Variants in NEMF observed in about 807,000 individuals in gnomAD.
The protein encoded by NEMF is ribosome quality control complex subunit NEMF.
In NEMF, 89 loss-of-function variants were observed where a neutral mutation model predicts 162.2. That is an observed-to-expected ratio of 0.55 (90% CI 0.46 to 0.65). NEMF has a LOEUF of 0.65. Among genes scored for constraint, NEMF ranks in the 30% least tolerant of loss-of-function variants. The probability of loss-of-function intolerance (pLI) is 0.00; values close to 1 mark genes in which losing one functional copy is unlikely to be tolerated. For missense variants in NEMF, 1,133 were observed against 1,261.9 expected, an observed-to-expected ratio of 0.90 and a Z score of 1.55; for synonymous variants, 421 against 404.5, an observed-to-expected ratio of 1.04 and a Z score of -0.49.
intron 11 of NEMF, among the ~76,000 whole-genome samples, chr14:49,830,743 T>C (rs926791794): frequency 3.9e-5 from 6 of 152,232 alleles, no homozygotes; most frequent in Non-Finnish European, 7.3e-5. Flanking sequence ...AAAAATCAAA[T>C]CCCCTTCAAA....
intron 26 of NEMF, among the ~76,000 whole-genome samples, chr14:49,795,210 C>A (rs1293321805): frequency 3.3e-5 from 5 of 151,942 alleles, no homozygotes; most frequent in African/African-American, 1.2e-4. Context: ...GTGGCATGCA[C>A]CTGTGCGGTC....
At chr14:49,814,969 T>C (rs1891650184) in intron 16 of NEMF, 112 bp from the exon 17 acceptor site, 1 of 631,256 alleles carries the variant, frequency 1.6e-6, no homozygotes, top group Non-Finnish European at 2.7e-6. Flanking sequence ...GATGGTTTAA[T>C]TTTTTTAAGG....
intron 8 of NEMF, among the ~76,000 whole-genome samples, chr14:49,832,675 G>T (rs1892703089): frequency 1.3e-5 from 2 of 152,032 alleles, no homozygotes; most frequent in Admixed American, 1.3e-4. Context: ...CTAATCCAAA[G>T]GTTTACTTTC....
chr14:49,837,815 T>TAAAAAAAAAAA (rs10709373), intron 6 of NEMF, among the ~76,000 whole-genome samples: 2 of 122,780 alleles, frequency 1.6e-5, no homozygotes, highest in African/African-American at 3.1e-5. Context: ...ACCCACCAAT[T>TAAAAAAAAAAA]AAAAAAAAAA....
intron 4 of NEMF, among the ~76,000 whole-genome samples, chr14:49,841,360 A>T (rs1011931555): frequency 6.6e-6 from 1 of 151,982 alleles, no homozygotes; most frequent in Non-Finnish European, 1.5e-5. Context: ...GGATCACCTG[A>T]GGTCGGGAGT....
At chr14:49,851,937 T>C (rs1893797997) in intron 1 of NEMF, 62 bp from the exon 2 acceptor site, 3 of 1,018,446 alleles carry the variant, frequency 2.9e-6, no homozygotes, top group African/African-American at 3.2e-5. Flanking sequence ...AAACTACACA[T>C]AATTTAATAA....
At chr14:49,804,566 T>C (rs971664968) in intron 19 of NEMF, among the ~76,000 whole-genome samples, 1 of 151,490 alleles carries the variant, frequency 6.6e-6, no homozygotes, top group Non-Finnish European at 1.5e-5. Context: ...ACTCGGGAGG[T>C]TGAAGCAGAG....
intron 6 of NEMF, among the ~76,000 whole-genome samples, chr14:49,834,695 C>T (rs1363765970): frequency 2.0e-5 from 3 of 152,100 alleles, no homozygotes; most frequent in Non-Finnish European, 4.4e-5. Flanking sequence ...GTTGTCCAGG[C>T]TGGTCTCGAA....
chr14:49,789,058 G>C, intron 28 of NEMF, 88 bp downstream of exon 28: 1 of 1,013,592 alleles, frequency 9.9e-7, no homozygotes. Context: ...ACTTGTCTTG[G>C]TTTTAGCACT....
chr14:49,825,979 A>ATT (rs1892320476), intron 15 of NEMF, 24 bp from the exon 16 acceptor site: 11 of 1,501,840 alleles, frequency 7.3e-6, no homozygotes, highest in Non-Finnish European at 8.2e-6. Context: ...AGAGTTTTAA[A>ATT]AACAATTTGT....
Position 49,782,492 on chromosome 14 carries a change from T to TA in NEMF, c.*2143dup. On this transcript the variant is annotated 3_prime_UTR_variant, in exon 33 of 33. Coordinates refer to ENST00000298310, the MANE Select transcript of NEMF (RefSeq NM_004713.6). ...CTACCTTCACATTATTACTGAAACT[T>TA]ACTTGCAAAGCATTTGCTTTTAAAT... 3 of 1,597,100 alleles carry TA rather than the reference T, an allele frequency of 1.9e-6. No individual in the cohort carries two copies. Among genetic ancestry groups the TA allele is most frequent in the Non-Finnish European group, 2.6e-6 (3 of 1,167,516 alleles).
At chr14:49,851,936 A>G in intron 1 of NEMF, 61 bp from the exon 2 acceptor site, 3 of 1,016,616 alleles carry the variant, frequency 3.0e-6, no homozygotes, top group Non-Finnish European at 4.4e-6. Context: ...AAAACTACAC[A>G]TAATTTAATA....
intron 5 of NEMF, among the ~76,000 whole-genome samples, chr14:49,838,838 C>A (rs1391747791): frequency 6.6e-6 from 1 of 152,100 alleles, no homozygotes; most frequent in Non-Finnish European, 1.5e-5. Context: ...CCCACCTTGG[C>A]CTCCCAAAGC....
intron 3 of NEMF, among the ~76,000 whole-genome samples, chr14:49,850,804 G>T (rs1214996174): frequency 1.3e-5 from 2 of 152,132 alleles, no homozygotes; most frequent in Non-Finnish European, 2.9e-5. Context: ...GTGGGGCAGG[G>T]AGGAGAAAGA....
At chr14:49,792,092 A>G (rs1292860753) in intron 26 of NEMF, among the ~76,000 whole-genome samples, 1 of 151,760 alleles carries the variant, frequency 6.6e-6, no homozygotes, top group African/African-American at 2.4e-5. Flanking sequence ...GCAGTGAGCC[A>G]AGATTGCAAC....
At chr14:49,819,860 G>T (rs1402423083) in intron 16 of NEMF, among the ~76,000 whole-genome samples, 1 of 152,112 alleles carries the variant, frequency 6.6e-6, no homozygotes, top group Non-Finnish European at 1.5e-5. Context: ...TTGCTCTGAG[G>T]GTGTAGGATG....
chr14:49,818,173 C>T (rs3126201), intron 16 of NEMF: 117,470 of 150,806 alleles, frequency 0.78, 46,189 homozygotes, highest in East Asian at 0.98. Flanking sequence ...CTGCAAGCTC[C>T]GCCTTCTGGG....
chr14:49,799,207 CA>C (rs780442972), intron 25 of NEMF, among the ~76,000 whole-genome samples: 95 of 59,048 alleles, frequency 1.6e-3, no homozygotes, highest in East Asian at 0.015. Flanking sequence ...GACCCTGTTT[CA>C]AAAAAAAAAA....
In NEMF at chr14:49,809,949, C is replaced by T. The variant is rs186159532; in HGVS notation, c.1745-3816G>A. Among the ~76,000 whole-genome samples, 9 of 151,818 alleles carry T rather than the reference C, an allele frequency of 5.9e-5. No individual in the cohort carries two copies. The South Asian group carries it at 6.3e-4, about 11-fold the overall frequency. On this transcript the variant is annotated intron_variant, in intron 18 of 32. Coordinates refer to ENST00000298310, the MANE Select transcript of NEMF (RefSeq NM_004713.6). ...GGTTCATTAGTTGTAACAAATGTAC[C>T]GTTCTGGTGGGGGATATCGATAATA... is the stretch of plus-strand genomic sequence containing the variant.
Sources: allele counts gnomAD v4.1 joint callset (sites outside exome capture counted in the v4.1 genomes callset), GRCh38; gene constraint gnomAD v4.1.1; transcripts MANE v1.5; gene names NCBI Gene and HGNC (gene_info 2026-07-23, HGNC 2026-07-21).